Variants in LRRC39 observed in about 807,000 individuals in gnomAD.
LRRC39 encodes the protein leucine rich repeat containing 39, also known as leucine-rich repeat-containing protein 39.
A neutral mutation model predicts 39.7 loss-of-function variants in LRRC39; 35 were observed. That is an observed-to-expected ratio of 0.88 (90% CI 0.67 to 1.17). LRRC39 has a LOEUF of 1.17. Among genes scored for constraint, LRRC39 ranks in the 50% most tolerant of loss-of-function variants. LRRC39 has a pLI of 0.00. For missense variants in LRRC39, 357 were observed against 385.8 expected, an observed-to-expected ratio of 0.93 and a Z score of 0.62; for synonymous variants, 113 against 134.1, an observed-to-expected ratio of 0.84 and a Z score of 1.09.
In LRRC39 at chr1:100,153,018, C is replaced by T. The variant is rs930118178; in HGVS notation, c.813-494G>A. Among the ~76,000 whole-genome samples, 17 of 152,304 alleles carry T rather than the reference C, an allele frequency of 1.1e-4. 1 individual carries two copies. The South Asian group carries it at 3.3e-3, about 30-fold the overall frequency. On this transcript the variant is annotated intron_variant, in intron 8 of 9. Coordinates refer to ENST00000370137, the MANE Select transcript of LRRC39 (RefSeq NM_144620.4). The stretch of plus-strand genomic sequence containing the variant: ...CTGGGATTACAGGTGTGAGCCACCA[C>T]ATCTGGCCTACAGCATATATTTAAT...
chr1:100,164,275 G>A (rs1276817619), intron 3 of LRRC39, among the ~76,000 whole-genome samples: 4 of 152,062 alleles, frequency 2.6e-5, no homozygotes, highest in Non-Finnish European at 2.9e-5. Context: ...TTAGCTGAAC[G>A]AAGCAGCATT....
At chr1:100,179,369 A>C (rs956243122), upstream of LRRC39, among the ~76,000 whole-genome samples, 2 of 151,874 alleles carry the variant, frequency 1.3e-5, no homozygotes, top group African/African-American at 4.8e-5. Context: ...GAGTGCTTGC[A>C]TGTGTTCATA....
intron 4 of LRRC39, among the ~76,000 whole-genome samples, chr1:100,159,998 G>A (rs1367062050): frequency 1.3e-5 from 2 of 151,958 alleles, no homozygotes; most frequent in Non-Finnish European, 2.9e-5. Context: ...CTGACCCAAG[G>A]GTTAGAAGCT....
At chr1:100,149,611 A>T (rs749900150) in intron 9 of LRRC39, 1 of 520,078 alleles carries the variant, frequency 1.9e-6, no homozygotes, top group East Asian at 3.7e-5. Context: ...GGCACAAACA[A>T]TAAGTATGTT....
At chr1:100,158,782 C>G (rs1432250064) in intron 5 of LRRC39, among the ~76,000 whole-genome samples, 1 of 151,802 alleles carries the variant, frequency 6.6e-6, no homozygotes, top group African/African-American at 2.4e-5. Flanking sequence ...ATTCGGAGTT[C>G]TTAGTGTCTT....
At chr1:100,176,177 A>T (rs1382314377) in intron 1 of LRRC39, among the ~76,000 whole-genome samples, 2 of 152,236 alleles carry the variant, frequency 1.3e-5, no homozygotes, top group African/African-American at 4.8e-5. Context: ...TCACGCCTGT[A>T]ATCCCAGCAG....
intron 3 of LRRC39, among the ~76,000 whole-genome samples, chr1:100,161,804 G>T (rs1213032547): frequency 6.6e-6 from 1 of 151,992 alleles, no homozygotes; most frequent in Non-Finnish European, 1.5e-5. Context: ...GCTCCACCAC[G>T]CCCAGCTAAT....
chr1:100,168,370 A>G, intron 3 of LRRC39, 34 bp downstream of exon 3: 2 of 1,455,490 alleles, frequency 1.4e-6, no homozygotes, highest in South Asian at 2.5e-5. Flanking sequence ...ATGAATTTTC[A>G]CTAATTCAAA....
At chr1:100,156,339 T>C (rs762542000) in intron 6 of LRRC39, 22 bp from the exon 7 acceptor site, 1 of 1,581,288 alleles carries the variant, frequency 6.3e-7, no homozygotes, top group South Asian at 1.2e-5. Context: ...AGCAAGGTTT[T>C]TCAAAATAAA....
At position 100,155,983 on chromosome 1, in the gene LRRC39, GT is replaced by G. The variant is rs1387528432; in HGVS notation, c.659+188del. 2.6e-5 allele frequency among the ~76,000 whole-genome samples: 4 copies of G among 152,226 alleles called. No homozygotes were observed. In the East Asian group the frequency reaches 7.7e-4, roughly 29 times the overall value. On this transcript the variant is annotated intron_variant, in intron 7 of 9. Coordinates refer to ENST00000370137, the MANE Select transcript of LRRC39 (RefSeq NM_144620.4). ...TAGGTGGATCACTTGAAAAAAGCCA[GT>G]TTTTTCTTCTTCCCAAACCCTTTTA... is the stretch of plus-strand genomic sequence containing the variant.
chr1:100,175,717 A>G (rs758851415), intron 1 of LRRC39, among the ~76,000 whole-genome samples: 1 of 152,230 alleles, frequency 6.6e-6, no homozygotes, highest in Non-Finnish European at 1.5e-5. Flanking sequence ...ACAATTGAAC[A>G]GGAAATTTTC....
intron 2 of LRRC39, 186 bp from the exon 3 acceptor site, chr1:100,168,780 ATAGAT>A: frequency 3.5e-6 from 1 of 287,662 alleles, no homozygotes. Context: ...TGACTAATGT[ATAGAT>A]GAGAAAATTA....
At chr1:100,150,291 T>C (rs1197332287) in intron 9 of LRRC39, 1 of 152,232 alleles carries the variant, frequency 6.6e-6, no homozygotes, top group Non-Finnish European at 1.5e-5. Flanking sequence ...TGTTAACTTT[T>C]TTCCCTTGTT....
At chr1:100,161,679 C>G (rs773155952) in intron 3 of LRRC39, among the ~76,000 whole-genome samples, 1 of 152,172 alleles carries the variant, frequency 6.6e-6, no homozygotes, top group African/African-American at 2.4e-5. Flanking sequence ...CAAAGTCTCG[C>G]TCTGTCATCC....
intron 2 of LRRC39, among the ~76,000 whole-genome samples, chr1:100,172,316 T>C (rs959291084): frequency 1.3e-5 from 2 of 152,192 alleles, no homozygotes; most frequent in Non-Finnish European, 2.9e-5. Context: ...AAATACAGAC[T>C]AATCTCACTA....
chr1:100,163,123 A>C (rs906982999), intron 3 of LRRC39, among the ~76,000 whole-genome samples: 14 of 152,364 alleles, frequency 9.2e-5, no homozygotes, highest in African/African-American at 3.4e-4. Flanking sequence ...GTGGGTAACT[A>C]AGAAAAAATG....
In LRRC39 at chr1:100,155,217, G is replaced by T. The variant is rs536606034; in HGVS notation, c.660-14C>A. ...AGATTTTGCATTCTGAAAAATTAAGGTTTCTACAATTAATTACATATAATA... is the reference window on the plus strand; with the variant it reads ...AGATTTTGCATTCTGAAAAATTAAGTTTTCTACAATTAATTACATATAATA... On this transcript the variant is annotated splice_polypyrimidine_tract_variant and intron_variant, in intron 7 of 9. Coordinates refer to ENST00000370137, the MANE Select transcript of LRRC39 (RefSeq NM_144620.4). 2.6e-6 allele frequency: 4 copies of T among 1,565,246 alleles called. No homozygotes were observed. The highest frequency in any genetic ancestry group is 1.2e-5 in the South Asian group (1 of 82,994).
Position 100,173,387 on chromosome 1 carries a change from A to G in LRRC39, c.-118-17T>C, listed in dbSNP as rs1659759735. On this transcript the variant is annotated splice_polypyrimidine_tract_variant and intron_variant, in intron 1 of 9. Coordinates refer to ENST00000370137, the MANE Select transcript of LRRC39 (RefSeq NM_144620.4). ...CTGAATAGACTAGAAGAGAAAGAAA[A>G]TATGATCATTCCAATAGATGTAGAA... 1 of 152,190 alleles carries G rather than the reference A, an allele frequency of 6.6e-6. No individual in the cohort carries two copies. The highest frequency in any genetic ancestry group is 2.1e-4 in the South Asian group (1 of 4,834). 9.4% of individuals were successfully genotyped at this position (152,190 alleles called of 1,614,324 possible).
chr1:100,155,086 A>G lies in LRRC39; in HGVS notation c.777T>C (p.Asp259=), dbSNP rs1179953516. 6.2e-7 allele frequency: 1 copy of G among 1,605,780 alleles called. No individual in the cohort carries two copies. The highest frequency in any genetic ancestry group is 1.1e-5 in the South Asian group (1 of 88,860). The stretch of plus-strand genomic sequence containing the variant: ...CCATTTCTTCCATGCATACTGGAAT[A>G]TCTTGCAGTTTATTGTTGCTGAGAA... ...TLVLSNNKLQ[D]IPVCMEEMAN... is the part of the protein sequence containing the mutation. Residue 259 remains aspartate (D), a synonymous_variant, in exon 8 of 10, where the codon GAT becomes GAC. Transcript: ENST00000370137.
Sources: gnomAD v4.1 joint callset for allele counts (sites outside exome capture counted in the v4.1 genomes callset) on GRCh38, gnomAD v4.1.1 for gene constraint, MANE v1.5 for transcripts, NCBI Gene and HGNC (gene_info 2026-07-23, HGNC 2026-07-21) for gene names.